Variants in ZNF487 observed in about 807,000 individuals in gnomAD.
ZNF487 encodes zinc finger protein 487.
In ZNF487, 4 loss-of-function variants were observed where a neutral mutation model predicts 3.0. The observed-to-expected ratio is 1.35, with a 90% CI of 0.66 to 3.08. ZNF487 has a LOEUF of 3.08. Among genes scored for constraint, ZNF487 ranks in the 30% most tolerant of loss-of-function variants. The probability of loss-of-function intolerance (pLI) is 0.01; values close to 1 mark genes in which losing one functional copy is unlikely to be tolerated. For synonymous variants in ZNF487, 55 were observed against 34.6 expected, an observed-to-expected ratio of 1.59 and a Z score of -2.06; for missense variants, 146 against 98.7, an observed-to-expected ratio of 1.48 and a Z score of -2.03.
At chr10:43,458,055 AAC>A in intron 1 of ZNF487, 1 of 32,602 alleles carries the variant, frequency 3.1e-5, no homozygotes, top group South Asian at 1.1e-3. Context: ...AACAAAACAA[AAC>A]AAAAAAAAAG....
chr10:43,496,081 T>C, the ZNF487 span: 10 of 534,258 alleles, frequency 1.9e-5, no homozygotes, highest in African/African-American at 1.9e-4. Flanking sequence ...ATCTGGGCCC[T>C]ATTGAGAGGA....
intron 1 of ZNF487, among the ~76,000 whole-genome samples, chr10:43,472,716 C>G (rs1230757260): frequency 6.6e-6 from 1 of 152,212 alleles, no homozygotes; most frequent in East Asian, 1.9e-4. Flanking sequence ...TCCAGCTCGA[C>G]TTGCCTTCTT....
intron 1 of ZNF487, among the ~76,000 whole-genome samples, chr10:43,457,804 C>G (rs1380416215): frequency 6.6e-6 from 1 of 151,880 alleles, no homozygotes; most frequent in Non-Finnish European, 1.5e-5. Context: ...GGGCGGATCA[C>G]GAGGTCAGGA....
chr10:43,496,100 A>G, the ZNF487 span: 7 of 533,572 alleles, frequency 1.3e-5, no homozygotes, highest in Middle Eastern at 3.2e-4. Flanking sequence ...GACCCTGTAC[A>G]TGAATGTAAT....
chr10:43,519,493 A>C, the ZNF487 span, among the ~76,000 whole-genome samples: 4 of 141,556 alleles, frequency 2.8e-5, no homozygotes, highest in Non-Finnish European at 6.1e-5. Context: ...TTTGAGATGG[A>C]GTCTTGCTCT....
chr10:43,460,620 C>G (rs1203321854), intron 1 of ZNF487, among the ~76,000 whole-genome samples: 2 of 142,012 alleles, frequency 1.4e-5, no homozygotes, highest in African/African-American at 5.9e-5. Context: ...CAGATGCCAC[C>G]CGCCTCAGCC....
intron 1 of ZNF487, among the ~76,000 whole-genome samples, chr10:43,465,248 C>T (rs1840643221): frequency 6.7e-6 from 1 of 149,868 alleles, no homozygotes. Context: ...GGCTGATCCC[C>T]TCACCTCCCT....
At chr10:43,499,470 G>A in the ZNF487 span, among the ~76,000 whole-genome samples, 55 of 152,250 alleles carry the variant, frequency 3.6e-4, no homozygotes, top group Non-Finnish European at 6.3e-4. Flanking sequence ...AGGCTGGAGT[G>A]CAGTGGTGTG....
intron 1 of ZNF487, among the ~76,000 whole-genome samples, chr10:43,440,664 A>G (rs940405724): frequency 4.6e-5 from 7 of 151,904 alleles, no homozygotes; most frequent in Admixed American, 3.9e-4. Flanking sequence ...TCTCAAAAAA[A>G]AAAAAGAAAA....
chr10:43,521,252 T>C, the ZNF487 span, among the ~76,000 whole-genome samples: 45 of 152,270 alleles, frequency 3.0e-4, no homozygotes, highest in Admixed American at 8.5e-4. Context: ...TTAATATGGG[T>C]TTATTTTTAA....
At chr10:43,469,814 G>C (rs1241225300) in intron 1 of ZNF487, among the ~76,000 whole-genome samples, 1 of 152,012 alleles carries the variant, frequency 6.6e-6, no homozygotes, top group Non-Finnish European at 1.5e-5. Context: ...GGTGGGCGTG[G>C]TGGTGTACTC....
the ZNF487 span, among the ~76,000 whole-genome samples, chr10:43,504,612 C>T: frequency 2.0e-5 from 3 of 151,210 alleles, no homozygotes; most frequent in Non-Finnish European, 4.4e-5. Flanking sequence ...TCTTATGTAC[C>T]ATTTTGAATT....
At chr10:43,446,562 C>T (rs1323921356) in intron 1 of ZNF487, among the ~76,000 whole-genome samples, 5 of 146,132 alleles carry the variant, frequency 3.4e-5, no homozygotes, top group Admixed American at 6.8e-5. Flanking sequence ...CCAGACGGGG[C>T]GGCCGGGCAG....
At chr10:43,451,451 G>A (rs1027160128) in intron 1 of ZNF487, among the ~76,000 whole-genome samples, 1 of 151,238 alleles carries the variant, frequency 6.6e-6, no homozygotes, top group Non-Finnish European at 1.5e-5. Flanking sequence ...CACCATGTTG[G>A]TCAGGCTGGT....
the ZNF487 span, among the ~76,000 whole-genome samples, chr10:43,508,184 C>T: frequency 6.6e-6 from 1 of 152,300 alleles, no homozygotes; most frequent in East Asian, 1.9e-4. Flanking sequence ...TGTAAACCAA[C>T]CATTGCCTTG....
At position 43,480,015 on chromosome 10, in the gene ZNF487, C is replaced by A. The variant is rs1267334006; in HGVS notation, c.131-1414C>A. ...TCTTTCTTTCTTTCTTTCTTTCTTT[C>A]TTTCTTTCTTTCTTTCTTTCTTTCT... On this transcript the variant is annotated intron_variant, in intron 3 of 3. Coordinates refer to ENST00000437590, the MANE Select transcript of ZNF487 (RefSeq NM_001355444.3). 1.3e-4 allele frequency among the ~76,000 whole-genome samples: 9 copies of A among 69,046 alleles called. 1 individual carries two copies. Among genetic ancestry groups the A allele is most frequent in the African/African-American group, 3.1e-4 (9 of 29,206 alleles). The allele number at this position is 69,046 out of a possible 152,430, so 45.3% of individuals were successfully genotyped here.
At chr10:43,464,293 C>T (rs1840564270) in intron 1 of ZNF487, among the ~76,000 whole-genome samples, 1 of 150,990 alleles carries the variant, frequency 6.6e-6, no homozygotes, top group South Asian at 2.1e-4. Context: ...AGTGATTCTT[C>T]TGTCTCAGCC....
chr10:43,509,303 T>C, the ZNF487 span, among the ~76,000 whole-genome samples: 2 of 66,850 alleles, frequency 3.0e-5, no homozygotes, highest in Non-Finnish European at 8.2e-5. Context: ...ATGTGAATAG[T>C]GCCTCATGGT....
intron 1 of ZNF487, among the ~76,000 whole-genome samples, chr10:43,444,563 TGTTC>T (rs1467801571): frequency 6.6e-6 from 1 of 151,928 alleles, no homozygotes; most frequent in East Asian, 1.9e-4. Flanking sequence ...GTTTACAGGT[TGTTC>T]GTTTTTTGTT....
Sources: gnomAD v4.1 joint callset for allele counts (sites outside exome capture counted in the v4.1 genomes callset) on GRCh38, gnomAD v4.1.1 for gene constraint, MANE v1.5 for transcripts, NCBI Gene and HGNC (gene_info 2026-07-23, HGNC 2026-07-21) for gene names.